Variants in UBALD2 observed in about 807,000 individuals in gnomAD.
The protein encoded by UBALD2 is UBA like domain containing 2.
A neutral mutation model predicts 15.9 loss-of-function variants in UBALD2; 8 were observed. That is an observed-to-expected ratio of 0.50 (90% CI 0.29 to 0.91). The LOEUF (loss-of-function observed/expected upper bound fraction) is 0.91. Ranked by LOEUF, UBALD2 falls within the 40% of genes least tolerant of loss-of-function variation. The probability of loss-of-function intolerance (pLI) is 0.07; values close to 1 mark genes in which losing one functional copy is unlikely to be tolerated. For missense variants in UBALD2, 178 were observed against 234.8 expected, an observed-to-expected ratio of 0.76 and a Z score of 1.58; for synonymous variants, 113 against 97.7, an observed-to-expected ratio of 1.16 and a Z score of -0.93.
At chr17:76,265,701 C>T (rs1598466891) in intron 1 of UBALD2, 76 bp downstream of exon 1, 1 of 1,245,886 alleles carries the variant, frequency 8.0e-7, no homozygotes, top group Non-Finnish European at 1.0e-6. Context: ...GGGAGCGCTC[C>T]TGTTGTCGGC....
At chr17:76,266,595 G>A (rs939202377) in intron 2 of UBALD2, among the ~76,000 whole-genome samples, 3 of 152,184 alleles carry the variant, frequency 2.0e-5, no homozygotes, top group African/African-American at 7.2e-5. Context: ...CCAAGATAAG[G>A]CCAGGAATGT....
rs1568095460 is a variant in UBALD2, at chr17:76,265,519, TG to T, written c.16del (p.Asp6ThrfsTer8). ...CCGCGCCGCGCCATGTCGGTGAACA[TG>T]GACGAGCTGCGGCACCAGGTCATGA... MSVN[M>X]DELRHQVMIN... On this transcript the variant is annotated frameshift_variant, in exon 1 of 3. Transcript: ENST00000327490. LOFTEE classifies it high-confidence loss of function. The T allele has an allele frequency of 7.8e-7, 1 of 1,286,648 alleles. No individual in the cohort carries two copies. Among genetic ancestry groups the T allele is most frequent in the East Asian group, 4.8e-5 (1 of 20,672 alleles). 79.7% of individuals were successfully genotyped at this position (1,286,648 alleles called of 1,614,324 possible).
chr17:76,270,096 A>G (rs2070574259), intron 2 of UBALD2, 98 bp from the exon 3 acceptor site: 2 of 1,286,242 alleles, frequency 1.6e-6, no homozygotes, highest in Non-Finnish European at 1.1e-6. Flanking sequence ...AATGAAGCTG[A>G]AAAATGGGAG....
rs1344553918 is a variant in UBALD2 at position 76,270,772 on chromosome 17, G to A, written c.*267G>A. On this transcript the variant is annotated 3_prime_UTR_variant, in exon 3 of 3. Transcript: ENST00000327490. ...GAATAGATAAATATAACTAATGTGC[G>A]TGAGAATGGGCCTGGCACACCTGGG... 3.6e-5 allele frequency: 10 copies of A among 279,152 alleles called. No individual in the cohort carries two copies. Among genetic ancestry groups the A allele is most frequent in the Admixed American group, 2.6e-4 (5 of 19,328 alleles). The allele number at this position is 279,152 out of a possible 1,614,324, so 17.3% of individuals were successfully genotyped here. A position where few individuals can be genotyped will look rare whatever the true frequency, so the allele number is the denominator to read the frequency against.
rs771340875 is a variant in UBALD2 at position 76,267,667 on chromosome 17, CT to C, written c.183+1713del. Reference sequence around the variant, plus strand: ...CTGCACCCAGCTGGCAATTTCTTTTCTTTTTTTTTTTTTTTGAGACAGAGTT... The same window carrying C: ...CTGCACCCAGCTGGCAATTTCTTTTCTTTTTTTTTTTTTTGAGACAGAGTT... On this transcript the variant is annotated intron_variant, in intron 2 of 2. Transcript: ENST00000327490. 2.1e-3 allele frequency among the ~76,000 whole-genome samples: 283 copies of C among 132,514 alleles called. 1 individual carries two copies. The highest frequency in any genetic ancestry group is 4.5e-3 in the Middle Eastern group (1 of 220). The allele number at this position is 132,514 out of a possible 152,430, so 86.9% of individuals were successfully genotyped here. A position where few individuals can be genotyped will look rare whatever the true frequency, so the allele number is the denominator to read the frequency against.
chr17:76,265,838 TG>T (rs1277568993), intron 1 of UBALD2, 68 bp from the exon 2 acceptor site: 84 of 1,521,948 alleles, frequency 5.5e-5, no homozygotes, highest in Non-Finnish European at 6.8e-5. Flanking sequence ...GGAGAGCCGG[TG>T]GGGGGCCCAG....
At chr17:76,265,808 C>A in intron 1 of UBALD2, 99 bp from the exon 2 acceptor site, 2 of 1,476,100 alleles carry the variant, frequency 1.4e-6, no homozygotes, top group African/African-American at 1.5e-5. Context: ...TCGGGGGCCG[C>A]GGGCCGGGCG....
chr17:76,266,100 C>T (rs1443174658), intron 2 of UBALD2, 131 bp downstream of exon 2: 36 of 1,223,324 alleles, frequency 2.9e-5, no homozygotes, highest in Non-Finnish European at 3.6e-5. Flanking sequence ...GAGCGGCTCC[C>T]GGGCCGGCGC....
rs2143069741 is a variant in UBALD2, at chr17:76,271,208, C to T, written c.*703C>T. On this transcript the variant is annotated 3_prime_UTR_variant, in exon 3 of 3. Coordinates refer to ENST00000327490, the MANE Select transcript of UBALD2 (RefSeq NM_182565.4). Reference sequence around the variant, plus strand: ...GCGTGTCCAGGTCCAAAGTGGAGAGCCTGCCTTTGGGTTTAGTTCCCGAAT... The same window carrying T: ...GCGTGTCCAGGTCCAAAGTGGAGAGTCTGCCTTTGGGTTTAGTTCCCGAAT... The T allele has an allele frequency of 6.6e-6, 1 of 152,354 alleles. No homozygotes were observed. The highest frequency in any genetic ancestry group is 2.1e-4 in the South Asian group (1 of 4,832). 9.4% of individuals were successfully genotyped at this position (152,354 alleles called of 1,614,324 possible).
At chr17:76,266,062 A>G in intron 2 of UBALD2, 93 bp downstream of exon 2, 1 of 1,437,678 alleles carries the variant, frequency 7.0e-7, no homozygotes, top group Non-Finnish European at 9.4e-7. Flanking sequence ...GCGAATGTAA[A>G]CAAAGAGCCA....
At chr17:76,266,915 C>T (rs964301549) in intron 2 of UBALD2, among the ~76,000 whole-genome samples, 1 of 152,134 alleles carries the variant, frequency 6.6e-6, no homozygotes, top group African/African-American at 2.4e-5. Context: ...GCCTTTGGCT[C>T]TCTGTTTTCA....
chr17:76,269,776 G>T lies in UBALD2; in HGVS notation c.184-418G>T, dbSNP rs1483374320. On this transcript the variant is annotated intron_variant, in intron 2 of 2. Coordinates refer to ENST00000327490, the MANE Select transcript of UBALD2 (RefSeq NM_182565.4). This position sits in a 1 kb window ranked among gnomAD's most constrained non-coding sequence, Gnocchi z 4.6. ...AGGAGGGAGAGCCTCCCCGCTGGCC[G>T]CTCTCCCTTGCCTAGCAGCCTGGGA... Among the ~76,000 whole-genome samples the T allele has an allele frequency of 4.6e-5, 7 of 152,240 alleles. No homozygotes were observed. The East Asian group carries it at 9.7e-4, about 21-fold the overall frequency.
At chr17:76,266,609 T>C (rs1056395109) in intron 2 of UBALD2, among the ~76,000 whole-genome samples, 4 of 152,198 alleles carry the variant, frequency 2.6e-5, no homozygotes, top group Admixed American at 1.3e-4. Context: ...GGAATGTGTC[T>C]TTAATCTCTG....
rs2070583341 is a variant in UBALD2 at position 76,270,931 on chromosome 17, G to A, written c.*426G>A. 1 of 152,990 alleles carries A rather than the reference G, an allele frequency of 6.5e-6. No homozygotes were observed. The highest frequency in any genetic ancestry group is 2.1e-4 in the South Asian group (1 of 4,864). 9.5% of individuals were successfully genotyped at this position (152,990 alleles called of 1,614,324 possible). ...GAGGACACCACTCCTGCAGTCACTGGGCAGCCACATAGCAGCTGCAGGTCC... is the reference window on the plus strand; with the variant it reads ...GAGGACACCACTCCTGCAGTCACTGAGCAGCCACATAGCAGCTGCAGGTCC... On this transcript the variant is annotated 3_prime_UTR_variant, in exon 3 of 3. Transcript: ENST00000327490.
chr17:76,270,197 T>G lies in UBALD2; in HGVS notation c.187T>G (p.Cys63Gly). ...PNSHHHHQMMCTPSNTPATPP... is the reference protein window; with the variant it reads ...PNSHHHHQMMGTPSNTPATPP... ...ACACCCGTGTTCTCTCCCGCAGATGTGCACTCCCAGCAACACCCCTGCCAC... is the reference window on the plus strand; with the variant it reads ...ACACCCGTGTTCTCTCCCGCAGATGGGCACTCCCAGCAACACCCCTGCCAC... Residue 63 changes from cysteine (C) to glycine (G), a missense_variant, in exon 3 of 3, where the codon TGC (cysteine) becomes GGC (glycine). Physicochemically the swap from Cys to Gly is radical, Grantham distance 159 (BLOSUM62 -3). Coordinates refer to ENST00000327490, the MANE Select transcript of UBALD2 (RefSeq NM_182565.4). The G allele has an allele frequency of 6.2e-7, 1 of 1,611,986 alleles. No individual in the cohort carries two copies.
At position 76,269,207 on chromosome 17, in the gene UBALD2, C is replaced by T. The variant is rs1449194126; in HGVS notation, c.184-987C>T. On this transcript the variant is annotated intron_variant, in intron 2 of 2. Transcript: ENST00000327490. The surrounding 1 kb of genome is among the most constrained non-coding windows in gnomAD (Gnocchi z 4.6). The stretch of plus-strand genomic sequence containing the variant: ...CCAGCCAGTTTTGTGTGGTCTTGTT[C>T]TCTGTGTTGCCTCTTGCCCATGCTG... Among the ~76,000 whole-genome samples, 2 of 152,158 alleles carry T rather than the reference C, an allele frequency of 1.3e-5. No homozygotes were observed. Among genetic ancestry groups the T allele is most frequent in the African/African-American group, 4.8e-5 (2 of 41,432 alleles).
At chr17:76,266,774 C>T (rs1405918843) in intron 2 of UBALD2, among the ~76,000 whole-genome samples, 1 of 152,138 alleles carries the variant, frequency 6.6e-6, no homozygotes, top group Non-Finnish European at 1.5e-5. Context: ...CCCTACCCCC[C>T]TAGTTACCTA....
Position 76,269,970 on chromosome 17 carries a change from G to A in UBALD2, c.184-224G>A, listed in dbSNP as rs761604365. Among the ~76,000 whole-genome samples the A allele has an allele frequency of 6.6e-6, 1 of 152,178 alleles. No homozygotes were observed. The highest frequency in any genetic ancestry group is 1.5e-5 in the Non-Finnish European group (1 of 68,030). ...ATGCTCCTCGGGGTGTCATTTCCAG[G>A]CCTCATGAAACCCCGTTGGTTTTGA... On this transcript the variant is annotated intron_variant, in intron 2 of 2. Transcript: ENST00000327490. The surrounding 1 kb of genome is among the most constrained non-coding windows in gnomAD (Gnocchi z 4.6).
intron 1 of UBALD2, 46 bp downstream of exon 1, chr17:76,265,671 G>T: frequency 3.5e-6 from 4 of 1,153,064 alleles, no homozygotes; most frequent in Non-Finnish European, 4.3e-6. Context: ...GGTCGGGGAC[G>T]CCGGGCGGCG....
Sources: allele counts gnomAD v4.1 joint callset (sites outside exome capture counted in the v4.1 genomes callset), GRCh38; gene constraint gnomAD v4.1.1; non-coding constraint Gnocchi (gnomAD v3.1); transcripts MANE v1.5; gene names NCBI Gene and HGNC (gene_info 2026-07-23, HGNC 2026-07-21).